The following TMED8 variants were observed in gnomAD, a reference collection of about 807,000 sequenced individuals.
TMED8 encodes the protein protein TMED8.
TMED8 carries 15 observed loss-of-function variants against 32.7 expected under a neutral mutation model. The observed-to-expected ratio is 0.46, with a 90% CI of 0.31 to 0.71. The LOEUF (loss-of-function observed/expected upper bound fraction) is 0.71, where lower values mean the gene tolerates loss of function less well. Ranked by LOEUF, TMED8 falls within the 30% of genes least tolerant of loss-of-function variation. TMED8 has a pLI of 0.06. For missense variants in TMED8, 390 were observed against 423.9 expected (o/e 0.92, Z 0.70); for synonymous variants, 147 against 161.4 (o/e 0.91, Z 0.68).
chr14:77,345,738 G>C (rs1726188596), intron 3 of TMED8, among the ~76,000 whole-genome samples: 1 of 151,466 alleles, frequency 6.6e-6, no homozygotes, highest in Admixed American at 6.6e-5. Context: ...GGGAGGTCAA[G>C]GCGGGTGGAT....
intron 1 of TMED8, among the ~76,000 whole-genome samples, chr14:77,370,742 AGTGTGTGTGT>A (rs33940271): frequency 6.7e-6 from 1 of 150,006 alleles, no homozygotes; most frequent in Admixed American, 6.6e-5. Flanking sequence ...TATAAAAAAA[AGTGTGTGTGT>A]GTGTGTGTGT....
chr14:77,341,343 C>A lies in TMED8; in HGVS notation c.*428G>T. On this transcript the variant is annotated 3_prime_UTR_variant, in exon 6 of 6. Coordinates refer to ENST00000216468, the MANE Select transcript of TMED8 (RefSeq NM_213601.3). Reference sequence around the variant, plus strand: ...GCTCCTTCATGGGCAATGTGCTTTTCCCTCTTCTGGCACCTCAACAACTGA... The same window carrying A: ...GCTCCTTCATGGGCAATGTGCTTTTACCTCTTCTGGCACCTCAACAACTGA... 1 of 191,884 alleles carries A rather than the reference C, an allele frequency of 5.2e-6. No homozygotes were observed. Among genetic ancestry groups the A allele is most frequent in the Non-Finnish European group, 1.1e-5 (1 of 91,456 alleles). The allele number at this position is 191,884 out of a possible 1,614,324, so 11.9% of individuals were successfully genotyped here. A position where few individuals can be genotyped will look rare whatever the true frequency, so the allele number is the denominator to read the frequency against.
chr14:77,366,680 C>A (rs978030885), intron 1 of TMED8, among the ~76,000 whole-genome samples: 2 of 152,064 alleles, frequency 1.3e-5, no homozygotes, highest in African/African-American at 2.4e-5. Flanking sequence ...TTATTATAAC[C>A]AAGACTCAGT....
At chr14:77,346,179 A>G (rs1436561801) in intron 3 of TMED8, among the ~76,000 whole-genome samples, 170 bp downstream of exon 3, 1 of 152,174 alleles carries the variant, frequency 6.6e-6, no homozygotes, top group Non-Finnish European at 1.5e-5. Flanking sequence ...TGTGGAAGAT[A>G]CAAATAATCA....
intron 1 of TMED8, among the ~76,000 whole-genome samples, chr14:77,365,925 G>C (rs773609271): frequency 6.6e-6 from 1 of 152,158 alleles, no homozygotes; most frequent in Non-Finnish European, 1.5e-5. Flanking sequence ...CCATGAGAGA[G>C]AGAAAGGACC....
chr14:77,355,744 C>T (rs182389849), intron 1 of TMED8, among the ~76,000 whole-genome samples: 50 of 152,246 alleles, frequency 3.3e-4, no homozygotes, highest in Non-Finnish European at 2.9e-5. Context: ...AGAACCTCCC[C>T]CCTCAACAGC....
chr14:77,353,648 G>A (rs1893231473), intron 1 of TMED8, among the ~76,000 whole-genome samples: 1 of 150,752 alleles, frequency 6.6e-6, no homozygotes, highest in African/African-American at 2.4e-5. Flanking sequence ...TAGAGATGGG[G>A]GTCTCACTAT....
In TMED8 at chr14:77,343,812, A is replaced by C; in HGVS notation, c.339T>G (p.Tyr113Ter). Reference sequence around the variant, plus strand: ...TGTCCCCAGACCTCTGTGGAACTTGATACTTAGCCATCTGCACAACAGAAC... The same window carrying C: ...TGTCCCCAGACCTCTGTGGAACTTGCTACTTAGCCATCTGCACAACAGAAC... Reference protein sequence around the residue: ...QAQVLNEMAKYQVPQRSGDIV... With the variant: ...QAQVLNEMAK Residue 113 changes from tyrosine (Y) to a stop codon, truncating the protein, a stop_gained, in exon 4 of 6, where the codon TAT becomes TAG. Transcript: ENST00000216468. LOFTEE classifies it high-confidence loss of function. 6.2e-7 allele frequency: 1 copy of C among 1,613,566 alleles called. No homozygotes were observed. Among genetic ancestry groups the C allele is most frequent in the Non-Finnish European group, 8.5e-7 (1 of 1,179,654 alleles).
rs567671318 is a variant in TMED8, at chr14:77,365,701, A to G, written c.118+11235T>C. Among the ~76,000 whole-genome samples the G allele has an allele frequency of 4.5e-4, 69 of 152,372 alleles. 2 individuals carry two copies. In the South Asian group the frequency reaches 0.012, roughly 27 times the overall value. On this transcript the variant is annotated intron_variant, in intron 1 of 5. Transcript: ENST00000216468. ...GTAAGTGCCTGGCCACATCCTAGGT[A>G]CTGGAGAGAATATCCAAAGCAGACA...
intron 1 of TMED8, among the ~76,000 whole-genome samples, chr14:77,370,267 T>C (rs1893647956): frequency 6.6e-6 from 1 of 152,192 alleles, no homozygotes; most frequent in Non-Finnish European, 1.5e-5. Flanking sequence ...GCTTATCCTG[T>C]CCTTTGGATC....
intron 1 of TMED8, among the ~76,000 whole-genome samples, chr14:77,365,420 T>C (rs778281189): frequency 7.2e-5 from 11 of 152,180 alleles, no homozygotes; most frequent in Non-Finnish European, 1.2e-4. Flanking sequence ...TATAGTTAAC[T>C]AATTTAGGGA....
chr14:77,356,370 T>C (rs1225470933), intron 1 of TMED8, among the ~76,000 whole-genome samples: 1 of 152,250 alleles, frequency 6.6e-6, no homozygotes, highest in African/African-American at 2.4e-5. Context: ...ATATTTTAAC[T>C]AATTACTGCT....
chr14:77,360,664 G>A (rs1255931821), intron 1 of TMED8, among the ~76,000 whole-genome samples: 1 of 152,156 alleles, frequency 6.6e-6, no homozygotes, highest in Non-Finnish European at 1.5e-5. Context: ...ACAATGAACA[G>A]GTATCTGAGG....
At chr14:77,357,044 T>C (rs777425684) in intron 1 of TMED8, among the ~76,000 whole-genome samples, 1 of 152,166 alleles carries the variant, frequency 6.6e-6, no homozygotes, top group Non-Finnish European at 1.5e-5. Context: ...TAAAATTCGG[T>C]CCACCCATCT....
intron 1 of TMED8, among the ~76,000 whole-genome samples, chr14:77,353,922 CCT>C (rs1393978379): frequency 6.6e-6 from 1 of 152,146 alleles, no homozygotes; most frequent in Non-Finnish European, 1.5e-5. Context: ...AAAGTTCTCC[CCT>C]CTGTTGACCT....
chr14:77,375,564 C>T (rs1893793678), intron 1 of TMED8, among the ~76,000 whole-genome samples: 3 of 152,012 alleles, frequency 2.0e-5, no homozygotes, highest in Non-Finnish European at 4.4e-5. Flanking sequence ...TAATTTAATA[C>T]AAAGCAGAGT....
rs546248313 is a variant in TMED8 at position 77,356,052 on chromosome 14, A to G, written c.119-4301T>C. Among the ~76,000 whole-genome samples, 122 of 152,336 alleles carry G rather than the reference A, an allele frequency of 8.0e-4. 1 individual carries two copies. The highest frequency in any genetic ancestry group is 2.5e-3 in the African/African-American group (102 of 41,574). ...AAACAAGGGGACCTCTGAGTCTAGG[A>G]GAGAAACAGACCAGAGAGGCTACTT... On this transcript the variant is annotated intron_variant, in intron 1 of 5. Coordinates refer to ENST00000216468, the MANE Select transcript of TMED8 (RefSeq NM_213601.3).
At chr14:77,345,017 T>C (rs1332855722) in intron 3 of TMED8, among the ~76,000 whole-genome samples, 1 of 151,948 alleles carries the variant, frequency 6.6e-6, no homozygotes, top group Non-Finnish European at 1.5e-5. Flanking sequence ...GACAGAGTTT[T>C]GCTCTTGTTG....
chr14:77,370,951 A>T (rs992936659), intron 1 of TMED8, among the ~76,000 whole-genome samples: 1 of 146,800 alleles, frequency 6.8e-6, no homozygotes, highest in Non-Finnish European at 1.5e-5. Flanking sequence ...TCTGTCTCAG[A>T]AAAAAAAAAA....
Sources: allele counts gnomAD v4.1 joint callset (sites outside exome capture counted in the v4.1 genomes callset), GRCh38; gene constraint gnomAD v4.1.1; transcripts MANE v1.5; gene names NCBI Gene and HGNC (gene_info 2026-07-23, HGNC 2026-07-21).